RAI1: variants seen among roughly 807,000 people sequenced by gnomAD.
RAI1 encodes the protein retinoic acid induced 1.
RAI1 carries 9 observed loss-of-function variants against 123.8 expected under a neutral mutation model. That is an observed-to-expected ratio of 0.07 (90% CI 0.04 to 0.13). The LOEUF (loss-of-function observed/expected upper bound fraction) is 0.13. Among genes scored for constraint, RAI1 ranks in the 10% least tolerant of loss-of-function variants. The pLI, the probability that RAI1 is intolerant of heterozygous loss-of-function variation, is 1.00. For missense variants in RAI1, 2,256 were observed against 2,545.8 expected, an observed-to-expected ratio of 0.89 and a Z score of 2.45; for synonymous variants, 1,231 against 1,127.3, an observed-to-expected ratio of 1.09 and a Z score of -1.84.
intron 1 of RAI1, among the ~76,000 whole-genome samples, chr17:17,698,802 G>C (rs986038313): frequency 6.6e-6 from 1 of 152,230 alleles, no homozygotes; most frequent in African/African-American, 2.4e-5. Flanking sequence ...CCACCTGGTC[G>C]ATATCTATGT....
In RAI1 at chr17:17,795,794, T is replaced by C. The variant is rs773586351; in HGVS notation, c.2846T>C (p.Met949Thr). Residue 949 changes from methionine (M) to threonine (T), a missense_variant, in exon 3 of 6, where the codon ATG (methionine) becomes ACG (threonine). By Grantham distance (81) the Met-to-Thr change is moderately conservative (BLOSUM62 -1). Transcript: ENST00000353383. The surrounding 1 kb of genome is among the most constrained non-coding windows in gnomAD (Gnocchi z 5.9). ...QSWFESSLSH[M>T]KPGEEGPDGE... ...TGGTTTGAGTCCTCTCTGTCACACA[T>C]GAAGCCAGGTGAAGAGGGGCCTGAT... is the stretch of plus-strand genomic sequence containing the variant. The C allele has an allele frequency of 2.5e-6, 4 of 1,613,582 alleles. No individual in the cohort carries two copies. The highest frequency in any genetic ancestry group is 3.4e-6 in the Non-Finnish European group (4 of 1,180,016).
intron 2 of RAI1, among the ~76,000 whole-genome samples, chr17:17,780,104 T>C (rs1402383897): frequency 9.4e-6 from 1 of 106,848 alleles, no homozygotes; most frequent in East Asian, 3.1e-4. Flanking sequence ...TTTACTCTTG[T>C]CCCCAGGCTG....
chr17:17,711,227 G>A (rs1193399000), intron 1 of RAI1, among the ~76,000 whole-genome samples: 1 of 152,198 alleles, frequency 6.6e-6, no homozygotes, highest in Non-Finnish European at 1.5e-5. Context: ...TCCTGGCTGG[G>A]GGTTGTCCCT....
chr17:17,811,393 A>T lies in RAI1; in HGVS notation c.*1412A>T. On this transcript the variant is annotated 3_prime_UTR_variant, in exon 6 of 6. Transcript: ENST00000353383. ...TTTTCCTTAAGAGTAAAAAACAGTC[A>T]TTGCATTCAGAAAAAAAAAAAAAAA... The T allele has an allele frequency of 5.0e-6, 1 of 201,652 alleles. No homozygotes were observed. Among genetic ancestry groups the T allele is most frequent in the Non-Finnish European group, 9.2e-6 (1 of 108,202 alleles). 12.5% of individuals were successfully genotyped at this position (201,652 alleles called of 1,614,324 possible).
chr17:17,733,020 G>A (rs991523340), intron 2 of RAI1, among the ~76,000 whole-genome samples: 2 of 152,160 alleles, frequency 1.3e-5, no homozygotes, highest in African/African-American at 2.4e-5. Context: ...AAATCAGGTC[G>A]GCATTGCAGG....
chr17:17,755,021 G>A (rs1041816416), intron 2 of RAI1, among the ~76,000 whole-genome samples: 2 of 152,188 alleles, frequency 1.3e-5, no homozygotes, highest in African/African-American at 4.8e-5. Flanking sequence ...GAGAGGAGAG[G>A]AAATAGCCAT....
At chr17:17,782,576 T>C (rs1309888034) in intron 2 of RAI1, among the ~76,000 whole-genome samples, 1 of 149,098 alleles carries the variant, frequency 6.7e-6, no homozygotes, top group Non-Finnish European at 1.5e-5. Flanking sequence ...AGCGCTCCAT[T>C]ATTCATTATT....
chr17:17,720,621 C>T (rs1256521002), intron 1 of RAI1, among the ~76,000 whole-genome samples: 4 of 152,206 alleles, frequency 2.6e-5, no homozygotes, highest in African/African-American at 7.2e-5. Context: ...CACTGCCACA[C>T]GCCATGCACT....
chr17:17,765,286 TAAG>T (rs2030879147), intron 2 of RAI1, among the ~76,000 whole-genome samples: 1 of 152,240 alleles, frequency 6.6e-6, no homozygotes, highest in African/African-American at 2.4e-5. Context: ...CATTTGCATT[TAAG>T]AAGCCTCTAC....
At chr17:17,767,877 C>T (rs1275089575) in intron 2 of RAI1, among the ~76,000 whole-genome samples, 4 of 152,058 alleles carry the variant, frequency 2.6e-5, no homozygotes, top group Non-Finnish European at 5.9e-5. Context: ...CCACCAAGTA[C>T]GTAGTTGAGC....
intron 2 of RAI1, 145 bp downstream of exon 2, chr17:17,724,304 C>A (rs969555697): frequency 3.3e-5 from 5 of 151,140 alleles, no homozygotes; most frequent in Non-Finnish European, 7.4e-5. Flanking sequence ...GACACCCCTC[C>A]CGCGGCGCCA....
chr17:17,690,956 A>G (rs1020673954), intron 1 of RAI1, among the ~76,000 whole-genome samples: 5 of 152,232 alleles, frequency 3.3e-5, no homozygotes, highest in African/African-American at 1.2e-4. Flanking sequence ...GCTATGGGCA[A>G]ACAGCATTGA....
intron 1 of RAI1, among the ~76,000 whole-genome samples, chr17:17,697,595 T>G (rs571116177): frequency 6.6e-6 from 1 of 152,214 alleles, no homozygotes; most frequent in African/African-American, 2.4e-5. Context: ...GCTCTTGTGG[T>G]CTGGGTGTTA....
At chr17:17,703,993 A>G (rs1002329553) in intron 1 of RAI1, among the ~76,000 whole-genome samples, 3 of 152,176 alleles carry the variant, frequency 2.0e-5, no homozygotes, top group African/African-American at 7.2e-5. Flanking sequence ...CCGTGGGAGC[A>G]GTGAGCCACT....
intron 2 of RAI1, among the ~76,000 whole-genome samples, chr17:17,752,301 C>A (rs760498308): frequency 8.5e-5 from 13 of 152,226 alleles, no homozygotes; most frequent in South Asian, 2.1e-4. Flanking sequence ...CCAGCCCGGG[C>A]AGACGCCCCT....
intron 2 of RAI1, among the ~76,000 whole-genome samples, chr17:17,772,408 C>T (rs2031194423): frequency 6.6e-6 from 1 of 152,242 alleles, no homozygotes; most frequent in Admixed American, 6.5e-5. Context: ...ACCAATCCAT[C>T]CTGCCTCACT....
At chr17:17,788,368 C>G (rs539983299) in intron 2 of RAI1, among the ~76,000 whole-genome samples, 4 of 152,266 alleles carry the variant, frequency 2.6e-5, no homozygotes, top group African/African-American at 9.6e-5. Flanking sequence ...AAGCCAGGCC[C>G]CTAGGATATG....
chr17:17,773,134 G>T (rs2142995665), intron 2 of RAI1, among the ~76,000 whole-genome samples: 1 of 152,224 alleles, frequency 6.6e-6, no homozygotes, highest in South Asian at 2.1e-4. Context: ...GTGGACTGTT[G>T]TGTGGGTGGA....
At chr17:17,693,073 G>A (rs1262772472) in intron 1 of RAI1, among the ~76,000 whole-genome samples, 2 of 152,220 alleles carry the variant, frequency 1.3e-5, no homozygotes, top group East Asian at 1.9e-4. Flanking sequence ...AGGGCTTCCC[G>A]ACACTGCCAT....
Sources: gnomAD v4.1 joint callset for allele counts (sites outside exome capture counted in the v4.1 genomes callset) on GRCh38, gnomAD v4.1.1 for gene constraint, Gnocchi (gnomAD v3.1) non-coding constraint, MANE v1.5 for transcripts, NCBI Gene and HGNC (gene_info 2026-07-23, HGNC 2026-07-21) for gene names.